The following ZNF224 variants were observed in gnomAD, a reference collection of about 807,000 sequenced individuals.
ZNF224 encodes zinc finger protein 224, also known as bone marrow zinc finger 2.
Under a neutral mutation model 10.5 loss-of-function variants are expected in ZNF224, and 8 were observed. The observed-to-expected ratio is 0.76, with a 90% confidence interval of 0.45 to 1.37. The LOEUF (loss-of-function observed/expected upper bound fraction) is 1.37, where lower values mean the gene tolerates loss of function less well. Ranked by LOEUF, ZNF224 falls within the 40% of genes most tolerant of loss-of-function variation. ZNF224 has a pLI of 0.00. For missense variants in ZNF224, 754 were observed against 854.0 expected, an observed-to-expected ratio of 0.88 and a Z score of 1.46; for synonymous variants, 282 against 287.8, an observed-to-expected ratio of 0.98 and a Z score of 0.20.
At chr19:44,096,662 C>T (rs980826045) in intron 2 of ZNF224, among the ~76,000 whole-genome samples, 25 of 152,150 alleles carry the variant, frequency 1.6e-4, no homozygotes, top group African/African-American at 5.8e-4. Context: ...ACTTAAGGTT[C>T]TTACAAGTGT....
Position 44,109,104 on chromosome 19 carries a change from T to C in ZNF224, c.*820T>C, listed in dbSNP as rs553415515. The C allele has an allele frequency of 3.1e-5, 5 of 160,514 alleles. No homozygotes were observed. The South Asian group carries it at 8.4e-4, about 27-fold the overall frequency. The allele number at this position is 160,514 out of a possible 1,614,324, so 9.9% of individuals were successfully genotyped here. A position where few individuals can be genotyped will look rare whatever the true frequency, so the allele number is the denominator to read the frequency against. On this transcript the variant is annotated 3_prime_UTR_variant, in exon 6 of 6. Coordinates refer to ENST00000693561, the MANE Select transcript of ZNF224 (RefSeq NM_001321645.3). ...ATCTTTTGTAGTTTTTCTCACAGTA[T>C]AGACTGAAAAGGTTTGGTTAATTTT...
chr19:44,104,055 C>T (rs1470272225), intron 5 of ZNF224, among the ~76,000 whole-genome samples: 1 of 152,038 alleles, frequency 6.6e-6, no homozygotes, highest in Non-Finnish European at 1.5e-5. Flanking sequence ...GGGCATGACC[C>T]CTCAGGCATT....
At position 44,108,093 on chromosome 19, in the gene ZNF224, G is replaced by A; in HGVS notation, c.1933G>A (p.Val645Ile). The change falls in exon 6 of 6, where the codon GTT (valine) becomes ATT (isoleucine). Residue 645 changes from valine (V) to isoleucine (I), a missense_variant. Val to Ile is a conservative substitution (Grantham distance 29). Coordinates refer to ENST00000693561, the MANE Select transcript of ZNF224 (RefSeq NM_001321645.3). The part of the protein sequence containing the change: ...QNSFSKVQEK[V>I]HSVEKPYKCE... ...TTCATTCTCTAAAGTGCAAGAAAAA[G>A]TTCACAGTGTAGAAAAGCCATACAA... 6.2e-7 allele frequency: 1 copy of A among 1,612,208 alleles called. No homozygotes were observed. The highest frequency in any genetic ancestry group is 8.5e-7 in the Non-Finnish European group (1 of 1,178,708).
At chr19:44,098,794 G>C (rs886382444) in intron 3 of ZNF224, among the ~76,000 whole-genome samples, 3 of 152,256 alleles carry the variant, frequency 2.0e-5, no homozygotes, top group African/African-American at 4.8e-5. Context: ...GGTCAGGCTG[G>C]TCTCGAACTC....
chr19:44,100,847 A>G lies in ZNF224; in HGVS notation c.62A>G (p.Glu21Gly). The change falls in exon 4 of 6, where the codon GAG (glutamate) becomes GGG (glycine). Residue 21 changes from glutamate to glycine, a missense_variant. Transcript: ENST00000693561. ...GTGGCTGTGGTCTTCACTGAGGAAG[A>G]GCTGGGGCTGCTGGACCTTGCTCAG... ...KDVAVVFTEE[E>G]LGLLDLAQRK... 6 of 1,614,072 alleles carry G rather than the reference A, an allele frequency of 3.7e-6. No individual in the cohort carries two copies. The highest frequency in any genetic ancestry group is 5.1e-6 in the Non-Finnish European group (6 of 1,179,994).
At chr19:44,106,303 C>T in intron 5 of ZNF224, 93 bp from the exon 6 acceptor site, 3 of 1,342,080 alleles carry the variant, frequency 2.2e-6, no homozygotes, top group Non-Finnish European at 3.1e-6. Flanking sequence ...TGTCTATACT[C>T]ATGAGAGTTT....
intron 5 of ZNF224, chr19:44,105,628 A>G (rs1967640545): frequency 6.6e-6 from 1 of 152,268 alleles, no homozygotes; most frequent in Non-Finnish European, 1.5e-5. Flanking sequence ...TGAGTAGTGT[A>G]CATTGTACCC....
chr19:44,108,641 G>GA lies in ZNF224; in HGVS notation c.*358dup. The GA allele has an allele frequency of 2.0e-6, 1 of 508,754 alleles. No homozygotes were observed. Among genetic ancestry groups the GA allele is most frequent in the South Asian group, 1.4e-5 (1 of 69,496 alleles). The allele number at this position is 508,754 out of a possible 1,614,324, so 31.5% of individuals were successfully genotyped here. On this transcript the variant is annotated 3_prime_UTR_variant, in exon 6 of 6. Coordinates refer to ENST00000693561, the MANE Select transcript of ZNF224 (RefSeq NM_001321645.3). Reference sequence around the variant, plus strand: ...AGAGTAAGAGTTCATGAATTTACCAGACTAATGGTGGACATGTCCAAATTG... The same window carrying GA: ...AGAGTAAGAGTTCATGAATTTACCAGAACTAATGGTGGACATGTCCAAATTG...
rs1356507173 is a variant in ZNF224, at chr19:44,106,953, T to C, written c.793T>C (p.Cys265Arg). ...AGAGAAACCTTATAATTGTGAGGAA[T>C]GCGGGAAGGCCTTCATTCACGATTC... ...TGEKPYNCEE[C>R]GKAFIHDSQL... Residue 265 changes from cysteine to arginine, a missense_variant, in exon 6 of 6, where the codon TGC (cysteine) becomes CGC (arginine). Physicochemically the swap from Cys to Arg is radical, Grantham distance 180 (BLOSUM62 -3). Transcript: ENST00000693561. 3 of 1,610,658 alleles carry C rather than the reference T, an allele frequency of 1.9e-6. No individual in the cohort carries two copies. The highest frequency in any genetic ancestry group is 1.7e-4 in the Middle Eastern group (1 of 6,036).
intron 2 of ZNF224, chr19:44,097,104 A>G: frequency 4.5e-6 from 1 of 222,646 alleles, no homozygotes; most frequent in Non-Finnish European, 9.3e-6. Context: ...AAAAAAATTG[A>G]AAAGAATAAA....
rs756322847 is a variant in ZNF224 at position 44,106,847 on chromosome 19, G to T, written c.687G>T (p.Glu229Asp). The T allele has an allele frequency of 6.2e-7, 1 of 1,613,270 alleles. No individual in the cohort carries two copies. The highest frequency in any genetic ancestry group is 1.3e-5 in the African/African-American group (1 of 75,026). ...LQTHQRVHTG[E>D]KPFKCVECGK... ...CTCATCAGAGAGTCCACACTGGAGAGAAACCGTTCAAATGTGTGGAATGTG... is the reference window on the plus strand; with the variant it reads ...CTCATCAGAGAGTCCACACTGGAGATAAACCGTTCAAATGTGTGGAATGTG... Residue 229 changes from glutamate to aspartate, a missense_variant, in exon 6 of 6, where the codon GAG (glutamate) becomes GAT (aspartate). Physicochemically the swap from Glu to Asp is conservative, Grantham distance 45. Transcript: ENST00000693561.
intron 3 of ZNF224, among the ~76,000 whole-genome samples, chr19:44,098,092 T>C (rs1011712463): frequency 2.6e-5 from 4 of 152,208 alleles, no homozygotes; most frequent in African/African-American, 9.7e-5. Flanking sequence ...TTCTATGGAG[T>C]AGACAAGATT....
At chr19:44,105,027 C>T (rs1451776366) in intron 5 of ZNF224, among the ~76,000 whole-genome samples, 2 of 152,194 alleles carry the variant, frequency 1.3e-5, no homozygotes, top group Non-Finnish European at 2.9e-5. Context: ...GATTGATTCC[C>T]ATGTGGCTAG....
Position 44,108,347 on chromosome 19 carries a change from C to A in ZNF224, c.*63C>A. On this transcript the variant is annotated 3_prime_UTR_variant, in exon 6 of 6. Coordinates refer to ENST00000693561, the MANE Select transcript of ZNF224 (RefSeq NM_001321645.3). ...ATGAATGCAGTCTCATCTGAAAGTT[C>A]ACAAAGGAGAGACACATTAAAATAT... 1 of 1,495,268 alleles carries A rather than the reference C, an allele frequency of 6.7e-7. No homozygotes were observed. Among genetic ancestry groups the A allele is most frequent in the Non-Finnish European group, 9.0e-7 (1 of 1,114,072 alleles). The allele number at this position is 1,495,268 out of a possible 1,614,324, so 92.6% of individuals were successfully genotyped here.
rs73562196 is a variant in ZNF224 at position 44,106,801 on chromosome 19, G to A, written c.641G>A (p.Ser214Asn). 1,999 of 1,613,906 alleles carry A rather than the reference G, an allele frequency of 1.2e-3. 31 individuals are homozygous for A. In the African/African-American group the frequency reaches 0.024, roughly 19 times the overall value. Reference protein sequence around the residue: ...YKCDVCGKEFSQSSHLQTHQR... With the variant: ...YKCDVCGKEFNQSSHLQTHQR... The stretch of plus-strand genomic sequence containing the variant: ...TGTGACGTGTGTGGTAAGGAATTCA[G>A]TCAGAGTTCACATCTGCAAACTCAT... Residue 214 changes from serine (S) to asparagine (N), a missense_variant, in exon 6 of 6, where the codon AGT becomes AAT. Ser to Asn is a conservative substitution (Grantham distance 46, BLOSUM62 1). Coordinates refer to ENST00000693561, the MANE Select transcript of ZNF224 (RefSeq NM_001321645.3).
rs897279760 is a variant in ZNF224 at position 44,107,202 on chromosome 19, G to C, written c.1042G>C (p.Glu348Gln). The C allele has an allele frequency of 1.2e-6, 2 of 1,605,462 alleles. No individual in the cohort carries two copies. Among genetic ancestry groups the C allele is most frequent in the Non-Finnish European group, 8.5e-7 (1 of 1,175,674 alleles). Residue 348 changes from glutamate to glutamine, a missense_variant, in exon 6 of 6, where the codon GAG becomes CAG. Coordinates refer to ENST00000693561, the MANE Select transcript of ZNF224 (RefSeq NM_001321645.3). The stretch of plus-strand genomic sequence containing the variant: ...AGGAGAGAAACCATACAAATGTGAG[G>C]AGTGTGGAAAAGGCTTTATTTGTAG... ...HTGEKPYKCE[E>Q]CGKGFICRRD...
intron 5 of ZNF224, among the ~76,000 whole-genome samples, chr19:44,104,898 G>A (rs1027437925): frequency 6.6e-6 from 1 of 152,184 alleles, no homozygotes; most frequent in Non-Finnish European, 1.5e-5. Context: ...TCCTGACCTC[G>A]TGATCTGCCC....
Position 44,107,397 on chromosome 19 carries a change from T to C in ZNF224, c.1237T>C (p.Ser413Pro). 6.2e-7 allele frequency: 1 copy of C among 1,607,518 alleles called. No homozygotes were observed. The highest frequency in any genetic ancestry group is 8.5e-7 in the Non-Finnish European group (1 of 1,177,404). Residue 413 changes from serine to proline, a missense_variant, in exon 6 of 6, where the codon TCA becomes CCA. Coordinates refer to ENST00000693561, the MANE Select transcript of ZNF224 (RefSeq NM_001321645.3). ...ATGTGGGAAAGGATTTTACACAAAT[T>C]CACAATGCTATTCCCACCAGAGATC... ...EECGKGFYTN[S>P]QCYSHQRSHS...
At position 44,097,682 on chromosome 19, in the gene ZNF224, G is replaced by T. The variant is rs964568244; in HGVS notation, c.-68-124G>T. 1.2e-5 allele frequency: 7 copies of T among 570,320 alleles called. No individual in the cohort carries two copies. The African/African-American group carries it at 1.3e-4, about 11-fold the overall frequency. 35.3% of individuals were successfully genotyped at this position (570,320 alleles called of 1,614,324 possible). ...GGGCATTTTGGTTGTGCCGTTTTGG[G>T]TTTTTATGATTAATGCTGCTGTGAA... On this transcript the variant is annotated intron_variant, in intron 2 of 5. Transcript: ENST00000693561.
Sources: gnomAD v4.1 joint callset for allele counts (sites outside exome capture counted in the v4.1 genomes callset) on GRCh38, gnomAD v4.1.1 for gene constraint, MANE v1.5 for transcripts, NCBI Gene and HGNC (gene_info 2026-07-23, HGNC 2026-07-21) for gene names.